The following UGT1A10 variants were observed in gnomAD, a reference collection of about 807,000 sequenced individuals.
UGT1A10 encodes the protein UDP-glucuronosyltransferase 1A10.
In UGT1A10, 49 loss-of-function variants were observed where a neutral mutation model predicts 45.8. That is an observed-to-expected ratio of 1.07 (90% CI 0.85 to 1.36). UGT1A10 has a LOEUF of 1.36. Among genes scored for constraint, UGT1A10 ranks in the 40% most tolerant of loss-of-function variants. UGT1A10 has a pLI of 0.00. For missense variants in UGT1A10, 745 were observed against 668.6 expected (o/e 1.11, Z -1.26); for synonymous variants, 284 against 249.7 (o/e 1.14, Z -1.29).
At chr2:233,724,803 C>G (rs1387288842) in intron 1 of UGT1A10, among the ~76,000 whole-genome samples, 1 of 138,308 alleles carries the variant, frequency 7.2e-6, no homozygotes, top group Non-Finnish European at 1.5e-5. Flanking sequence ...GGGTGGCGGC[C>G]GGGCAGAGGC....
chr2:233,740,736 C>T (rs1691460143), intron 1 of UGT1A10: 1 of 151,674 alleles, frequency 6.6e-6, no homozygotes, highest in African/African-American at 2.4e-5. Context: ...GGAAATGCCC[C>T]CTTTTACACT....
intron 1 of UGT1A10, among the ~76,000 whole-genome samples, chr2:233,653,365 G>C (rs1279140340): frequency 1.3e-5 from 2 of 152,044 alleles, no homozygotes; most frequent in Non-Finnish European, 2.9e-5. Context: ...CCTTCATATA[G>C]GTGTATCAAT....
rs189902631 is a variant in UGT1A10, at chr2:233,721,408, A to T, written c.856-45626A>T. ...CATTTTTCTAGCTATGTGACCTAGG[A>T]CAGGTACCCTAAGCATTGTGGTTTT... is the stretch of plus-strand genomic sequence containing the variant. On this transcript the variant is annotated intron_variant, in intron 1 of 4. Coordinates refer to ENST00000344644, the MANE Select transcript of UGT1A10 (RefSeq NM_019075.4). 676 of 155,018 alleles carry T rather than the reference A, an allele frequency of 4.4e-3. 10 individuals are homozygous for T. The highest frequency in any genetic ancestry group is 0.015 in the African/African-American group (639 of 41,588). 9.6% of individuals were successfully genotyped at this position (155,018 alleles called of 1,614,324 possible).
intron 1 of UGT1A10, chr2:233,690,774 CAT>C (rs1286263819): frequency 5.4e-5 from 57 of 1,062,312 alleles, no homozygotes; most frequent in East Asian, 1.3e-4. Context: ...CACACACACA[CAT>C]ACACACACAC....
At chr2:233,724,343 C>A (rs2077229660) in intron 1 of UGT1A10, among the ~76,000 whole-genome samples, 1 of 142,888 alleles carries the variant, frequency 7.0e-6, no homozygotes, top group Admixed American at 6.9e-5. Context: ...GGGGCTGACC[C>A]CCCCCACCTC....
rs201968211 is a variant in UGT1A10 at position 233,718,966 on chromosome 2, G to A, written c.856-48068G>A. 301 of 1,614,070 alleles carry A rather than the reference G, an allele frequency of 1.9e-4. 1 individual carries two copies. The highest frequency in any genetic ancestry group is 1.6e-4 in the Middle Eastern group (1 of 6,072). On this transcript the variant is annotated intron_variant, in intron 1 of 4. Transcript: ENST00000344644. ...TGGCTCAGCATGCGGGAGGCCTTGC[G>A]GGAGCTCCATGCCAGAGGCCACCAG...
intron 1 of UGT1A10, among the ~76,000 whole-genome samples, chr2:233,661,708 C>CTT (rs767733403): frequency 2.2e-5 from 2 of 90,858 alleles, no homozygotes; most frequent in Admixed American, 1.1e-4. Context: ...TATCTGGATT[C>CTT]TTTTTTTTTT....
Position 233,751,308 on chromosome 2 carries a change from C to T in UGT1A10, c.856-15726C>T, listed in dbSNP as rs184289670. ...CCCATTTGGAATGGGAATATTTACC[C>T]AATTTCTGTACCCCCATTGTGTCTT... On this transcript the variant is annotated intron_variant, in intron 1 of 4. Coordinates refer to ENST00000344644, the MANE Select transcript of UGT1A10 (RefSeq NM_019075.4). Among the ~76,000 whole-genome samples the T allele has an allele frequency of 1.2e-3, 189 of 152,106 alleles. 2 individuals carry two copies. Among genetic ancestry groups the T allele is most frequent in the African/African-American group, 4.3e-3 (176 of 41,336 alleles).
At chr2:233,763,211 A>C (rs985100909) in intron 1 of UGT1A10, among the ~76,000 whole-genome samples, 2 of 152,222 alleles carry the variant, frequency 1.3e-5, no homozygotes, top group Non-Finnish European at 2.9e-5. Context: ...AGTCAGGCTT[A>C]GGTGTGAAAA....
In UGT1A10 at chr2:233,637,283, G is replaced by C. The variant is rs181646977; in HGVS notation, c.761G>C (p.Arg254Pro). 2.5e-6 allele frequency: 4 copies of C among 1,613,786 alleles called. No individual in the cohort carries two copies. Among genetic ancestry groups the C allele is most frequent in the African/African-American group, 1.3e-5 (1 of 74,890 alleles). ...LYSHTSIWLL[R>P]TDFVLDYPKP... The stretch of plus-strand genomic sequence containing the variant: ...AGTCACACATCAATTTGGTTGTTGC[G>C]AACGGACTTTGTTTTGGACTATCCC... The change falls in exon 1 of 5, where the codon CGA becomes CCA. Residue 254 changes from arginine to proline, a missense_variant. Arg to Pro is a moderately radical substitution (Grantham distance 103, BLOSUM62 -2). Transcript: ENST00000344644.
At chr2:233,669,106 C>T (rs1370778861) in intron 1 of UGT1A10, among the ~76,000 whole-genome samples, 1 of 152,174 alleles carries the variant, frequency 6.6e-6, no homozygotes, top group African/African-American at 2.4e-5. Context: ...CATCTTTTCC[C>T]CACAGAATTG....
At chr2:233,678,667 T>C (rs1350439244) in intron 1 of UGT1A10, among the ~76,000 whole-genome samples, 1 of 152,222 alleles carries the variant, frequency 6.6e-6, no homozygotes, top group African/African-American at 2.4e-5. Flanking sequence ...TCTATGAGGC[T>C]TGTATTGTGT....
intron 1 of UGT1A10, among the ~76,000 whole-genome samples, chr2:233,703,406 T>C (rs375646119): frequency 2.2e-4 from 33 of 152,288 alleles, no homozygotes; most frequent in Middle Eastern, 6.8e-3. Flanking sequence ...AATTTTGGTT[T>C]TGTTTATTTT....
intron 4 of UGT1A10, chr2:233,771,016 A>C (rs1281561140): frequency 2.0e-5 from 3 of 152,186 alleles, no homozygotes; most frequent in African/African-American, 7.2e-5. Flanking sequence ...AGCAGGAGCG[A>C]GAGAGAGTTG....
intron 1 of UGT1A10, among the ~76,000 whole-genome samples, chr2:233,765,617 G>A (rs988431612): frequency 6.6e-6 from 1 of 151,904 alleles, no homozygotes; most frequent in Non-Finnish European, 1.5e-5. Flanking sequence ...GGGGTGAGGG[G>A]TGAGGGGAGG....
At chr2:233,760,105 A>G in intron 1 of UGT1A10, 1 of 1,175,844 alleles carries the variant, frequency 8.5e-7, no homozygotes, top group Non-Finnish European at 1.2e-6. Context: ...TTGCCTATTA[A>G]GAAACCTAAT....
intron 1 of UGT1A10, among the ~76,000 whole-genome samples, chr2:233,674,743 G>A (rs543423784): frequency 6.6e-6 from 1 of 152,176 alleles, no homozygotes; most frequent in Non-Finnish European, 1.5e-5. Context: ...ATATATTAAT[G>A]TATGTATTTA....
At chr2:233,744,741 C>G (rs1692905246) in intron 1 of UGT1A10, among the ~76,000 whole-genome samples, 1 of 151,836 alleles carries the variant, frequency 6.6e-6, no homozygotes, top group South Asian at 2.1e-4. Context: ...AATCAAGTAG[C>G]ATTATTATGG....
chr2:233,669,221 A>G (rs1044757426), intron 1 of UGT1A10, among the ~76,000 whole-genome samples: 15 of 152,022 alleles, frequency 9.9e-5, no homozygotes, highest in Admixed American at 4.6e-4. Context: ...ATAGATTTGT[A>G]ATAAGTCTTG....
Sources: allele counts gnomAD v4.1 joint callset (sites outside exome capture counted in the v4.1 genomes callset), GRCh38; gene constraint gnomAD v4.1.1; transcripts MANE v1.5; gene names NCBI Gene and HGNC (gene_info 2026-07-23, HGNC 2026-07-21).